The following BICD1 variants were observed in gnomAD, a reference collection of about 807,000 sequenced individuals.
BICD1 encodes BICD cargo adaptor 1.
BICD1 carries 35 observed loss-of-function variants against 92.5 expected under a neutral mutation model. The ratio of observed to expected loss-of-function variants is 0.38; its 90% CI spans 0.29 to 0.50. BICD1 has a LOEUF of 0.50. Among genes scored for constraint, BICD1 ranks in the 20% least tolerant of loss-of-function variants. BICD1 has a pLI of 0.93. For missense variants in BICD1, 950 were observed against 1,189.8 expected, an observed-to-expected ratio of 0.80 and a Z score of 2.97; for synonymous variants, 429 against 465.1, an observed-to-expected ratio of 0.92 and a Z score of 1.00.
At chr12:32,319,978 C>T (rs753690730) in intron 4 of BICD1, among the ~76,000 whole-genome samples, 12 of 152,262 alleles carry the variant, frequency 7.9e-5, no homozygotes, top group Non-Finnish European at 1.6e-4. Context: ...CTTTTCACCA[C>T]ACACTCTAAA....
intron 8 of BICD1, among the ~76,000 whole-genome samples, chr12:32,341,366 C>T (rs571836578): frequency 6.6e-6 from 1 of 150,652 alleles, no homozygotes; most frequent in South Asian, 2.1e-4. Flanking sequence ...ACTCAGGAGG[C>T]TAAAGTGGGA....
At chr12:32,117,576 A>T (rs917100759) in intron 1 of BICD1, among the ~76,000 whole-genome samples, 2 of 151,802 alleles carry the variant, frequency 1.3e-5, no homozygotes, top group Non-Finnish European at 2.9e-5. Context: ...TTTTGAAGCT[A>T]CGTGGTTGCA....
rs762988197 is a variant in BICD1 at position 32,381,302 on chromosome 12, A to C, written c.*3675A>C. 6.6e-6 allele frequency: 1 copy of C among 152,114 alleles called. No individual in the cohort carries two copies. The highest frequency in any genetic ancestry group is 2.4e-5 in the African/African-American group (1 of 41,448). The allele number at this position is 152,114 out of a possible 1,614,324, so 9.4% of individuals were successfully genotyped here. On this transcript the variant is annotated 3_prime_UTR_variant, in exon 10 of 10. Coordinates refer to ENST00000652176, the MANE Select transcript of BICD1 (RefSeq NM_001714.4). ...TTCAATTGTCAGAGTCTAAAAAAAC[A>C]ATGTCCTCAGGAATACTTCAGAAAT...
At chr12:32,342,180 GTGTA>G (rs1294933427) in intron 8 of BICD1, among the ~76,000 whole-genome samples, 4 of 108,300 alleles carry the variant, frequency 3.7e-5, no homozygotes, top group Non-Finnish European at 3.6e-5. Context: ...ATATATATGT[GTGTA>G]TATATATATG....
intron 2 of BICD1, among the ~76,000 whole-genome samples, chr12:32,289,696 T>C (rs1947675850): frequency 6.6e-6 from 1 of 152,230 alleles, no homozygotes; most frequent in Admixed American, 6.5e-5. Context: ...GAGTCTGTTG[T>C]TTATAGAGGA....
chr12:32,144,187 T>G (rs1022131092), intron 1 of BICD1, among the ~76,000 whole-genome samples: 1 of 152,212 alleles, frequency 6.6e-6, no homozygotes, highest in African/African-American at 2.4e-5. Context: ...TTTTTCCCTA[T>G]GTAGGGAAGA....
intron 1 of BICD1, among the ~76,000 whole-genome samples, chr12:32,150,269 T>C (rs1203168436): frequency 2.6e-5 from 4 of 152,204 alleles, no homozygotes; most frequent in East Asian, 1.9e-4. Flanking sequence ...TACTATCACA[T>C]TGGATTTTAG....
rs148465009 is a variant in BICD1 at position 32,133,423 on chromosome 12, G to T, written c.213+25879G>T. 8.1e-4 allele frequency among the ~76,000 whole-genome samples: 123 copies of T among 152,060 alleles called. 1 individual carries two copies. The highest frequency in any genetic ancestry group is 2.9e-3 in the African/African-American group (120 of 41,468). On this transcript the variant is annotated intron_variant, in intron 1 of 9. Transcript: ENST00000652176. ...GAATCACTTGAACCTGGGAGGTAGA[G>T]GTTGCAGTGAGCCAAGATCGTGCCA...
chr12:32,335,835 T>G (rs1472284080), intron 6 of BICD1, among the ~76,000 whole-genome samples: 1 of 152,012 alleles, frequency 6.6e-6, no homozygotes, highest in East Asian at 1.9e-4. Flanking sequence ...TCCGCCCACC[T>G]CGGCCTCCAA....
chr12:32,136,214 G>A (rs565496795), intron 1 of BICD1, among the ~76,000 whole-genome samples: 5 of 152,310 alleles, frequency 3.3e-5, no homozygotes, highest in African/African-American at 1.2e-4. Flanking sequence ...AAGCACCTAC[G>A]TGGCATTTTT....
intron 1 of BICD1, among the ~76,000 whole-genome samples, chr12:32,201,901 T>A (rs1409633060): frequency 6.6e-6 from 1 of 152,182 alleles, no homozygotes; most frequent in African/African-American, 2.4e-5. Flanking sequence ...AAGCAAGCAA[T>A]CTCCTCTTAG....
At chr12:32,152,300 G>A (rs1247513182) in intron 1 of BICD1, among the ~76,000 whole-genome samples, 1 of 149,908 alleles carries the variant, frequency 6.7e-6, no homozygotes, top group Non-Finnish European at 1.5e-5. Context: ...ATAGGCTGGT[G>A]TGCCATGGCA....
intron 8 of BICD1, among the ~76,000 whole-genome samples, chr12:32,355,694 CG>C (rs2136312559): frequency 1.3e-5 from 2 of 151,842 alleles, no homozygotes; most frequent in East Asian, 3.9e-4. Flanking sequence ...CCCAGCTACT[CG>C]GGAGGCTGAG....
intron 1 of BICD1, among the ~76,000 whole-genome samples, chr12:32,207,196 GT>G (rs1945082775): frequency 6.6e-6 from 1 of 150,820 alleles, no homozygotes; most frequent in Non-Finnish European, 1.5e-5. Context: ...TTTATATTTT[GT>G]CATAAATTTT....
intron 2 of BICD1, among the ~76,000 whole-genome samples, chr12:32,265,162 G>A (rs1350980934): frequency 6.6e-6 from 1 of 151,712 alleles, no homozygotes; most frequent in Non-Finnish European, 1.5e-5. Flanking sequence ...AGAAGGCCCA[G>A]GTGTTTCTCA....
intron 2 of BICD1, among the ~76,000 whole-genome samples, chr12:32,241,779 A>G (rs1399857649): frequency 6.6e-6 from 1 of 152,158 alleles, no homozygotes; most frequent in Non-Finnish European, 1.5e-5. Context: ...TCACAGACTA[A>G]AAACAGTCTA....
chr12:32,233,655 C>A (rs114071193), intron 2 of BICD1, among the ~76,000 whole-genome samples: 152 of 149,862 alleles, frequency 1.0e-3, no homozygotes, highest in African/African-American at 3.3e-3. Flanking sequence ...CCATTTTGTA[C>A]ATATTGATTC....
At chr12:32,295,082 G>GAAA (rs10647988) in intron 3 of BICD1, among the ~76,000 whole-genome samples, 61 of 103,398 alleles carry the variant, frequency 5.9e-4, no homozygotes, top group South Asian at 2.1e-3. Context: ...ATTCCGTCTC[G>GAAA]AAAAAAAAAA....
At chr12:32,143,734 G>A (rs528414418) in intron 1 of BICD1, among the ~76,000 whole-genome samples, 14 of 152,224 alleles carry the variant, frequency 9.2e-5, no homozygotes, top group South Asian at 6.2e-4. Context: ...TTTCCAAAGC[G>A]ATCATACCAA....
Sources: gnomAD v4.1 joint callset for allele counts (sites outside exome capture counted in the v4.1 genomes callset) on GRCh38, gnomAD v4.1.1 for gene constraint, MANE v1.5 for transcripts, NCBI Gene and HGNC (gene_info 2026-07-23, HGNC 2026-07-21) for gene names.